Variants in LCORL observed in about 807,000 individuals in gnomAD.
The protein encoded by LCORL is ligand dependent nuclear receptor corepressor like, also known as ligand-dependent nuclear receptor corepressor-like protein.
A neutral mutation model predicts 141.8 loss-of-function variants in LCORL; 41 were observed. The ratio of observed to expected loss-of-function variants is 0.29; its 90% CI spans 0.23 to 0.38. The LOEUF (loss-of-function observed/expected upper bound fraction) is 0.38. Among genes scored for constraint, LCORL ranks in the 10% least tolerant of loss-of-function variants. The pLI is 1.00. For missense variants in LCORL, 1,759 were observed against 2,035.0 expected, an observed-to-expected ratio of 0.86 and a Z score of 2.61; for synonymous variants, 618 against 694.1, an observed-to-expected ratio of 0.89 and a Z score of 1.72.
chr4:17,964,739 C>A (rs1000849410), intron 2 of LCORL, among the ~76,000 whole-genome samples: 4 of 152,092 alleles, frequency 2.6e-5, no homozygotes, highest in African/African-American at 9.7e-5. Context: ...AGCCTGAAGT[C>A]CAGCTGAACC....
At chr4:17,906,710 C>CAA (rs1365030701) in intron 5 of LCORL, among the ~76,000 whole-genome samples, 1 of 132,214 alleles carries the variant, frequency 7.6e-6, no homozygotes, top group Non-Finnish European at 1.6e-5. Flanking sequence ...TTTTTTGAGA[C>CAA]AGAGTCTTGC....
intron 4 of LCORL, among the ~76,000 whole-genome samples, chr4:17,926,909 C>T (rs1735240270): frequency 6.6e-6 from 1 of 152,152 alleles, no homozygotes; most frequent in African/African-American, 2.4e-5. Context: ...CAAGTTAAAG[C>T]CATAGTTGCA....
exon 7 of LCORL, chr4:17,877,166 T>C (rs1727012756): frequency 1.6e-6 from 2 of 1,230,924 alleles, no homozygotes; most frequent in Non-Finnish European, 2.0e-6. Flanking sequence ...ATAAAGTTTC[T>C]TGACGCTTTC....
intron 7 of LCORL, among the ~76,000 whole-genome samples, chr4:17,857,849 G>C (rs909080718): frequency 3.3e-5 from 5 of 152,194 alleles, no homozygotes; most frequent in African/African-American, 1.2e-4. Context: ...AGACATGAAA[G>C]AATCAAGATA....
At chr4:17,961,795 TAA>T (rs1270191690) in intron 4 of LCORL, 106 bp downstream of exon 4, 1 of 756,288 alleles carries the variant, frequency 1.3e-6, no homozygotes, top group Non-Finnish European at 2.0e-6. Flanking sequence ...AAAGAAACAA[TAA>T]AGAGTGAAGT....
chr4:17,965,345 C>G (rs532850632), intron 2 of LCORL, among the ~76,000 whole-genome samples: 8 of 152,202 alleles, frequency 5.3e-5, no homozygotes, highest in Middle Eastern at 3.4e-3. Context: ...CAGATTTTCA[C>G]TCTCCCCAGG....
At chr4:17,909,028 T>C (rs1035070037) in intron 5 of LCORL, 66 bp downstream of exon 5, 7 of 1,371,450 alleles carry the variant, frequency 5.1e-6, no homozygotes, top group Non-Finnish European at 6.8e-6. Context: ...ATATAAAAAG[T>C]TATAAATATA....
intron 6 of LCORL, chr4:17,882,918 T>C: frequency 3.1e-6 from 3 of 952,678 alleles, no homozygotes; most frequent in Non-Finnish European, 3.7e-6. Context: ...ATTTTTCAAA[T>C]GAAAAACAAA....
chr4:17,937,567 G>A (rs1267575656), intron 4 of LCORL, among the ~76,000 whole-genome samples: 2 of 152,100 alleles, frequency 1.3e-5, no homozygotes, highest in African/African-American at 4.8e-5. Flanking sequence ...GTGATGAAGG[G>A]AATAAATGAA....
chr4:18,000,052 T>C (rs1721663683), intron 1 of LCORL, among the ~76,000 whole-genome samples: 1 of 151,882 alleles, frequency 6.6e-6, no homozygotes, highest in African/African-American at 2.4e-5. Context: ...AAGGTAACTC[T>C]GCACATCTAA....
intron 4 of LCORL, among the ~76,000 whole-genome samples, chr4:17,958,194 T>C (rs1472040760): frequency 7.9e-5 from 12 of 151,748 alleles, no homozygotes; most frequent in Admixed American, 7.9e-4. Flanking sequence ...TAATAGGAGC[T>C]TTCAACTAAC....
intron 5 of LCORL, among the ~76,000 whole-genome samples, chr4:17,907,275 T>G (rs1483897467): frequency 6.6e-6 from 1 of 152,160 alleles, no homozygotes; most frequent in Non-Finnish European, 1.5e-5. Flanking sequence ...GGGTAGACAG[T>G]GCGGTGAGAG....
At chr4:17,883,745 C>T (rs1456936121) in intron 6 of LCORL, 2 of 1,540,374 alleles carry the variant, frequency 1.3e-6, no homozygotes, top group Non-Finnish European at 1.8e-6. Flanking sequence ...GCTGTTTTTG[C>T]AGCTGCCAGT....
At chr4:17,916,681 G>A (rs973653377) in intron 4 of LCORL, among the ~76,000 whole-genome samples, 1 of 125,282 alleles carries the variant, frequency 8.0e-6, no homozygotes, top group African/African-American at 3.1e-5. Context: ...TAGTGTCCCC[G>A]TCACCCAGGC....
intron 1 of LCORL, among the ~76,000 whole-genome samples, chr4:17,974,947 T>G (rs1716664797): frequency 6.6e-6 from 1 of 152,130 alleles, no homozygotes; most frequent in Admixed American, 6.6e-5. Context: ...GGTATCAGTT[T>G]AGGTATCGTC....
At chr4:17,918,673 A>G (rs76193316) in intron 4 of LCORL, among the ~76,000 whole-genome samples, 11,117 of 152,270 alleles carry the variant, frequency 0.073, 949 homozygotes, top group African/African-American at 0.21. Flanking sequence ...ACAAAGATGC[A>G]GAGGGTAGGT....
intron 1 of LCORL, among the ~76,000 whole-genome samples, chr4:18,018,507 T>C (rs900798817): frequency 2.6e-5 from 4 of 152,080 alleles, no homozygotes; most frequent in Non-Finnish European, 5.9e-5. Flanking sequence ...AAATCTAACA[T>C]AAAGAGATGA....
chr4:17,861,787 T>C (rs1725046377), intron 7 of LCORL, among the ~76,000 whole-genome samples: 1 of 152,200 alleles, frequency 6.6e-6, no homozygotes, highest in Non-Finnish European at 1.5e-5. Flanking sequence ...CCATATACCC[T>C]AAATCATCTT....
intron 7 of LCORL, among the ~76,000 whole-genome samples, chr4:17,860,693 G>C (rs1437259459): frequency 6.6e-6 from 1 of 152,166 alleles, no homozygotes; most frequent in East Asian, 1.9e-4. Context: ...TCTGAGACAA[G>C]GCAAGTCACT....
Sources: allele counts gnomAD v4.1 joint callset (sites outside exome capture counted in the v4.1 genomes callset), GRCh38; gene constraint gnomAD v4.1.1; transcripts MANE v1.5; gene names NCBI Gene and HGNC (gene_info 2026-07-23, HGNC 2026-07-21).